UTRN: variants seen among roughly 807,000 people sequenced by gnomAD.
UTRN encodes dystrophin-related protein 1.
In UTRN, 283 loss-of-function variants were observed where a neutral mutation model predicts 463.9. The ratio of observed to expected loss-of-function variants is 0.61; its 90% CI spans 0.55 to 0.67. UTRN has a LOEUF of 0.67. Among genes scored for constraint, UTRN ranks in the 30% least tolerant of loss-of-function variants. UTRN has a pLI of 0.00. For synonymous variants in UTRN, 1,442 were observed against 1,431.5 expected, an observed-to-expected ratio of 1.01 and a Z score of -0.17; for missense variants, 3,922 against 4,084.3, an observed-to-expected ratio of 0.96 and a Z score of 1.08.
chr6:144,724,675 A>G (rs1787655135), intron 53 of UTRN, among the ~76,000 whole-genome samples: 1 of 152,124 alleles, frequency 6.6e-6, no homozygotes. Context: ...TTGCATGGTA[A>G]TGGAATCTTA....
chr6:144,743,594 G>T (rs1790345769), intron 54 of UTRN, among the ~76,000 whole-genome samples: 1 of 152,176 alleles, frequency 6.6e-6, no homozygotes, highest in Non-Finnish European at 1.5e-5. Flanking sequence ...CAAGTAACTG[G>T]CCTAGGGGCA....
At chr6:144,440,914 C>G (rs1414888828) in intron 13 of UTRN, among the ~76,000 whole-genome samples, 3 of 152,278 alleles carry the variant, frequency 2.0e-5, no homozygotes, top group Admixed American at 2.0e-4. Flanking sequence ...AGAGAGGGAG[C>G]TTGTGCAGGG....
chr6:144,839,020 AGCTGAT>A (rs1395197176), intron 71 of UTRN, 147 bp from the exon 72 acceptor site: 1 of 565,668 alleles, frequency 1.8e-6, no homozygotes, highest in African/African-American at 1.9e-5. Context: ...GCCCCCACCA[AGCTGAT>A]GCTAAAATGT....
intron 71 of UTRN, among the ~76,000 whole-genome samples, chr6:144,838,354 T>G (rs1270388350): frequency 6.6e-6 from 1 of 151,942 alleles, no homozygotes; most frequent in Non-Finnish European, 1.5e-5. Flanking sequence ...TTTAGGATGA[T>G]GAATGCTAGA....
At position 144,423,989 on chromosome 6, in the gene UTRN, G is replaced by T; in HGVS notation, c.316G>T (p.Glu106Ter). Residue 106 changes from glutamate to a stop codon, truncating the protein, a stop_gained, in exon 6 of 75, where the codon GAA becomes TAA. Coordinates refer to ENST00000367545, the MANE Select transcript of UTRN (RefSeq NM_007124.3). LOFTEE classifies it high-confidence loss of function. ...VLQVLHQNNV[E>*]LVNIGGTDIV... The stretch of plus-strand genomic sequence containing the variant: ...GTTTTTTGTTTTGTCTTAATAGGTG[G>T]AATTAGTGAATATAGGGGGAACTGA... 2 of 1,613,682 alleles carry T rather than the reference G, an allele frequency of 1.2e-6. No homozygotes were observed. The highest frequency in any genetic ancestry group is 1.7e-6 in the Non-Finnish European group (2 of 1,179,906).
At chr6:144,774,493 G>A in intron 60 of UTRN, 129 bp downstream of exon 60, 1 of 777,938 alleles carries the variant, frequency 1.3e-6, no homozygotes, top group Non-Finnish European at 2.0e-6. Flanking sequence ...CCTCACTCAA[G>A]GAGTTGGTTT....
intron 2 of UTRN, among the ~76,000 whole-genome samples, chr6:144,314,768 A>G (rs1019784978): frequency 6.6e-6 from 1 of 152,106 alleles, no homozygotes; most frequent in African/African-American, 2.4e-5. Context: ...TTTGCTGCCA[A>G]ATGGGTTATG....
intron 60 of UTRN, among the ~76,000 whole-genome samples, chr6:144,775,396 CA>C (rs1775234538): frequency 6.6e-6 from 1 of 152,114 alleles, no homozygotes; most frequent in South Asian, 2.1e-4. Context: ...CCAGATGAGG[CA>C]ATGCAAGGAA....
chr6:144,340,186 A>T (rs1382217507), intron 2 of UTRN, among the ~76,000 whole-genome samples: 1 of 152,178 alleles, frequency 6.6e-6, no homozygotes, highest in Non-Finnish European at 1.5e-5. Flanking sequence ...AGAAAAAAAA[A>T]GAAGAGTTAT....
At chr6:144,291,999 T>C in intron 2 of UTRN, 92 bp downstream of exon 2, 1 of 1,251,202 alleles carries the variant, frequency 8.0e-7, no homozygotes, top group Non-Finnish European at 1.1e-6. Context: ...TTGCAAGAAC[T>C]TCTTGGAGGT....
intron 61 of UTRN, 109 bp downstream of exon 61, chr6:144,782,232 C>A: frequency 1.1e-6 from 1 of 917,252 alleles, no homozygotes; most frequent in Non-Finnish European, 1.6e-6. Context: ...AAATTACTTT[C>A]CCAGTGGAAA....
intron 51 of UTRN, among the ~76,000 whole-genome samples, chr6:144,611,458 A>G (rs9497020): frequency 0.025 from 3,758 of 152,290 alleles, 156 homozygotes; most frequent in African/African-American, 0.084. Flanking sequence ...GATCTTCTGT[A>G]TAGAAAACCC....
chr6:144,746,991 G>A (rs1207624481), intron 54 of UTRN, among the ~76,000 whole-genome samples: 1 of 152,162 alleles, frequency 6.6e-6, no homozygotes, highest in Admixed American at 6.5e-5. Context: ...AAACATATGT[G>A]TTCTGTCACC....
At chr6:144,685,369 A>G (rs1381165602) in intron 52 of UTRN, among the ~76,000 whole-genome samples, 3 of 152,102 alleles carry the variant, frequency 2.0e-5, no homozygotes, top group Non-Finnish European at 4.4e-5. Context: ...TGACATAATG[A>G]CTTCTTTTCC....
intron 2 of UTRN, among the ~76,000 whole-genome samples, chr6:144,359,716 C>T (rs1272381127): frequency 1.3e-5 from 2 of 150,352 alleles, no homozygotes; most frequent in Non-Finnish European, 2.9e-5. Context: ...TTTGTCTACG[C>T]ATCGTTTTTT....
At chr6:144,677,627 A>G (rs745723996) in intron 51 of UTRN, among the ~76,000 whole-genome samples, 4 of 152,170 alleles carry the variant, frequency 2.6e-5, no homozygotes, top group Non-Finnish European at 5.9e-5. Flanking sequence ...TTGGGTATAT[A>G]CCCAGTAATG....
intron 2 of UTRN, among the ~76,000 whole-genome samples, chr6:144,320,892 T>G (rs1389489157): frequency 2.6e-5 from 4 of 152,206 alleles, no homozygotes; most frequent in Non-Finnish European, 4.4e-5. Flanking sequence ...TTGCACCTTA[T>G]TCACCAGATT....
chr6:144,733,536 T>C (rs1248157345), intron 54 of UTRN, among the ~76,000 whole-genome samples: 3 of 151,586 alleles, frequency 2.0e-5, no homozygotes, highest in Non-Finnish European at 4.4e-5. Context: ...AACTTTGTAA[T>C]TGAAGCCCTC....
At chr6:144,659,826 TG>T (rs1779682855) in intron 51 of UTRN, 1 of 152,404 alleles carries the variant, frequency 6.6e-6, no homozygotes, top group African/African-American at 2.4e-5. Context: ...CTTTTTTTGC[TG>T]TATGTAATTG....
Sources: gnomAD v4.1 joint callset for allele counts (sites outside exome capture counted in the v4.1 genomes callset) on GRCh38, gnomAD v4.1.1 for gene constraint, MANE v1.5 for transcripts, NCBI Gene and HGNC (gene_info 2026-07-23, HGNC 2026-07-21) for gene names.